Variants in AFG2A observed in about 807,000 individuals in gnomAD.
AFG2A encodes ATPase family gene 2 protein homolog A.
chr4:122,951,083 T>G, the AFG2A span, among the ~76,000 whole-genome samples: 1 of 152,142 alleles, frequency 6.6e-6, no homozygotes, highest in Admixed American at 6.5e-5. Flanking sequence ...TCCAGGTTGG[T>G]GTAGATGCAG....
chr4:123,005,212 A>T, the AFG2A span, among the ~76,000 whole-genome samples: 2 of 152,064 alleles, frequency 1.3e-5, no homozygotes, highest in African/African-American at 2.4e-5. Context: ...GTGCAATGGC[A>T]TGATCACAGC....
chr4:122,959,547 A>G, the AFG2A span, among the ~76,000 whole-genome samples: 2 of 152,172 alleles, frequency 1.3e-5, no homozygotes, highest in Non-Finnish European at 2.9e-5. Context: ...GGACTGCCGC[A>G]TAGTGAAGGA....
the AFG2A span, among the ~76,000 whole-genome samples, chr4:122,943,704 T>G: frequency 6.6e-6 from 1 of 152,224 alleles, no homozygotes; most frequent in African/African-American, 2.4e-5. Flanking sequence ...ATTTTGCTCA[T>G]TAGTTGATGC....
the AFG2A span, among the ~76,000 whole-genome samples, chr4:123,096,275 A>T: frequency 6.7e-6 from 1 of 148,234 alleles, no homozygotes; most frequent in Admixed American, 6.6e-5. Context: ...ACAGATGAAG[A>T]TTAATGAGAT....
chr4:123,077,416 A>G, the AFG2A span, among the ~76,000 whole-genome samples: 1 of 152,102 alleles, frequency 6.6e-6, no homozygotes, highest in African/African-American at 2.4e-5. Flanking sequence ...AAGAACTGTG[A>G]AAGATCTGGG....
At chr4:122,954,344 C>G in the AFG2A span, among the ~76,000 whole-genome samples, 16 of 152,312 alleles carry the variant, frequency 1.1e-4, no homozygotes, top group Non-Finnish European at 2.2e-4. Flanking sequence ...TCCACTAGTT[C>G]CATAGTGGTG....
the AFG2A span, among the ~76,000 whole-genome samples, chr4:123,279,932 C>T: frequency 2.6e-5 from 4 of 152,066 alleles, no homozygotes; most frequent in South Asian, 6.2e-4. Context: ...GGAATAAATG[C>T]GTATACATTT....
the AFG2A span, among the ~76,000 whole-genome samples, chr4:123,248,115 A>G: frequency 6.6e-6 from 1 of 151,998 alleles, no homozygotes; most frequent in East Asian, 1.9e-4. Flanking sequence ...AGTTACTTTT[A>G]AAGTATCTTG....
At chr4:122,981,593 A>G in the AFG2A span, among the ~76,000 whole-genome samples, 3 of 151,988 alleles carry the variant, frequency 2.0e-5, no homozygotes, top group East Asian at 5.8e-4. Flanking sequence ...GTTACATTAA[A>G]TCTGTAGACA....
At chr4:123,256,082 AGG>A in the AFG2A span, 3 of 1,614,016 alleles carry the variant, frequency 1.9e-6, no homozygotes, top group Non-Finnish European at 2.5e-6. Context: ...AGCAACAAGA[AGG>A]GAAATATTTA....
the AFG2A span, among the ~76,000 whole-genome samples, chr4:123,165,761 A>G: frequency 2.6e-5 from 4 of 152,170 alleles, no homozygotes; most frequent in East Asian, 3.9e-4. Context: ...TTTTTAAGTC[A>G]AGTATTCTAC....
At chr4:123,265,385 A>G in the AFG2A span, among the ~76,000 whole-genome samples, 1 of 152,230 alleles carries the variant, frequency 6.6e-6, no homozygotes, top group East Asian at 1.9e-4. Context: ...TAACTTAACA[A>G]TTTTTAAAAC....
chr4:123,231,563 A>T, the AFG2A span, among the ~76,000 whole-genome samples: 1 of 151,996 alleles, frequency 6.6e-6, no homozygotes, highest in African/African-American at 2.4e-5. Flanking sequence ...CTTAGTATTC[A>T]TGTGTTCACT....
chr4:123,072,742 G>A, the AFG2A span, among the ~76,000 whole-genome samples: 2 of 152,080 alleles, frequency 1.3e-5, no homozygotes, highest in Non-Finnish European at 2.9e-5. Context: ...TGTTTTTCAA[G>A]AAGTCCAGTC....
At chr4:122,982,908 C>T in the AFG2A span, among the ~76,000 whole-genome samples, 1 of 114,722 alleles carries the variant, frequency 8.7e-6, no homozygotes, top group East Asian at 3.0e-4. Context: ...CGCTCTGTTA[C>T]CCAGGCTGGA....
At chr4:123,195,462 A>G in the AFG2A span, among the ~76,000 whole-genome samples, 3 of 152,224 alleles carry the variant, frequency 2.0e-5, no homozygotes, top group African/African-American at 7.2e-5. Context: ...AGTAGATGGG[A>G]AAATTTCAGC....
the AFG2A span, among the ~76,000 whole-genome samples, chr4:123,183,713 A>T: frequency 2.0e-5 from 3 of 152,120 alleles, no homozygotes; most frequent in Non-Finnish European, 4.4e-5. Flanking sequence ...AAATTTTTTT[A>T]TGTTGGCTGC....
the AFG2A span, among the ~76,000 whole-genome samples, chr4:123,223,236 A>G: frequency 6.6e-6 from 1 of 152,110 alleles, no homozygotes; most frequent in African/African-American, 2.4e-5. Flanking sequence ...CCATGCTGAC[A>G]GGTCTGAGGT....
the AFG2A span, among the ~76,000 whole-genome samples, chr4:123,132,596 ACATATATATATATATATATGTG>A: frequency 1.3e-4 from 14 of 103,932 alleles, no homozygotes; most frequent in Admixed American, 1.1e-3. Flanking sequence ...TGATGTGTGT[ACATATATATATATATATATGTG>A]CATATATATT....
Sources: allele counts gnomAD v4.1 joint callset (sites outside exome capture counted in the v4.1 genomes callset), GRCh38; gene constraint gnomAD v4.1.1; transcripts MANE v1.5; gene names NCBI Gene and HGNC (gene_info 2026-07-23, HGNC 2026-07-21).